Variants in HTT observed in about 807,000 individuals in gnomAD.
The protein encoded by HTT is huntington disease protein.
HTT carries 104 observed loss-of-function variants against 362.3 expected under a neutral mutation model. The ratio of observed to expected loss-of-function variants is 0.29; its 90% CI spans 0.24 to 0.34. The LOEUF is 0.34. Among genes scored for constraint, HTT ranks in the 10% least tolerant of loss-of-function variants. HTT has a pLI of 1.00. For synonymous variants in HTT, 1,577 were observed against 1,548.7 expected, an observed-to-expected ratio of 1.02 and a Z score of -0.43; for missense variants, 3,301 against 3,928.6, an observed-to-expected ratio of 0.84 and a Z score of 4.27.
At chr4:3,209,056 C>G in intron 46 of HTT, 145 bp downstream of exon 46, 1 of 877,716 alleles carries the variant, frequency 1.1e-6, no homozygotes, top group South Asian at 1.8e-5. Flanking sequence ...TGGTTAGAGA[C>G]GTGGGGGGCC....
intron 1 of HTT, among the ~76,000 whole-genome samples, chr4:3,079,259 TTTTTTTTG>T (rs1324892956): frequency 6.6e-6 from 1 of 150,536 alleles, no homozygotes; most frequent in Non-Finnish European, 1.5e-5. Flanking sequence ...TTTTTTTTTT[TTTTTTTTG>T]GGGTTGGGGG....
rs537316756 is a variant in HTT, at chr4:3,191,498, A to G, written c.5368+2405A>G. ...GAGCTTTCATTTTTGAAATCAATGT[A>G]TGACTGAAACACTGAAGACTTACTG... On this transcript the variant is annotated intron_variant, in intron 40 of 66. Coordinates refer to ENST00000355072, the MANE Select transcript of HTT (RefSeq NM_001388492.1). 1.4e-4 allele frequency among the ~76,000 whole-genome samples: 22 copies of G among 152,262 alleles called. No individual in the cohort carries two copies. The East Asian group carries it at 2.7e-3, about 19-fold the overall frequency.
chr4:3,136,908 C>T (rs574517633), intron 21 of HTT, among the ~76,000 whole-genome samples: 2 of 151,278 alleles, frequency 1.3e-5, no homozygotes, highest in African/African-American at 2.4e-5. Context: ...TTACCAGGCC[C>T]GGCTTTGAAT....
chr4:3,154,473 A>T, intron 27 of HTT, 54 bp downstream of exon 27: 1 of 1,586,916 alleles, frequency 6.3e-7, no homozygotes, highest in South Asian at 1.2e-5. Context: ...TGTCATGTAG[A>T]AACATAGGAT....
At chr4:3,147,594 C>G (rs537570388) in intron 25 of HTT, among the ~76,000 whole-genome samples, 1 of 152,166 alleles carries the variant, frequency 6.6e-6, no homozygotes, top group East Asian at 1.9e-4. Context: ...GATCATTCAT[C>G]CAACTTGAAC....
Position 3,199,776 on chromosome 4 carries a change from A to G in HTT, c.5413A>G (p.Ser1805Gly). 1 of 1,614,224 alleles carries G rather than the reference A, an allele frequency of 6.2e-7. No homozygotes were observed. Among genetic ancestry groups the G allele is most frequent in the Non-Finnish European group, 8.5e-7 (1 of 1,180,042 alleles). ...ITAAATRLFR[S>G]DGCGGSFYTL... ...AGCAGCTGCCACTAGGCTGTTCCGC[A>G]GTGATGGCTGTGGCGGCAGTTTCTA... The change falls in exon 41 of 67, where the codon AGT becomes GGT. Residue 1805 changes from serine to glycine, a missense_variant. Physicochemically the swap from Ser to Gly is moderately conservative, Grantham distance 56. This residue lies in a region of HTT where 2,316 missense variants were observed against 2,658.5 expected (regional missense o/e 0.87). Transcript: ENST00000355072.
At chr4:3,225,492 T>C (rs1720869170) in intron 56 of HTT, among the ~76,000 whole-genome samples, 169 bp from the exon 57 acceptor site, 1 of 152,112 alleles carries the variant, frequency 6.6e-6, no homozygotes, top group Admixed American at 6.5e-5. Flanking sequence ...AAGTGACAAA[T>C]CCCCAAGACC....
intron 27 of HTT, among the ~76,000 whole-genome samples, chr4:3,155,728 CAAAAAAA>C (rs774283812): frequency 2.0e-5 from 1 of 49,648 alleles, no homozygotes; most frequent in African/African-American, 7.1e-5. Flanking sequence ...AAAAATACCA[CAAAAAAA>C]AAAAAAAAAA....
chr4:3,124,582 A>C (rs1715437072), intron 10 of HTT, among the ~76,000 whole-genome samples: 2 of 152,114 alleles, frequency 1.3e-5, no homozygotes, highest in Admixed American at 1.3e-4. Context: ...GGCTCTGTGG[A>C]ACATATTTGC....
chr4:3,075,978 G>A (rs1712527199), intron 1 of HTT, among the ~76,000 whole-genome samples: 1 of 152,102 alleles, frequency 6.6e-6, no homozygotes, highest in Non-Finnish European at 1.5e-5. Flanking sequence ...GTTGCTGATG[G>A]GGAGGTTAAT....
At chr4:3,125,383 T>C (rs1052577491) in intron 10 of HTT, among the ~76,000 whole-genome samples, 166 bp from the exon 11 acceptor site, 1 of 152,230 alleles carries the variant, frequency 6.6e-6, no homozygotes, top group Non-Finnish European at 1.5e-5. Context: ...ATCTCTACAT[T>C]CTTTGTGTTT....
intron 29 of HTT, among the ~76,000 whole-genome samples, chr4:3,161,870 G>A (rs756292472): frequency 6.6e-6 from 1 of 152,112 alleles, no homozygotes; most frequent in Non-Finnish European, 1.5e-5. Flanking sequence ...CATTCTGTAG[G>A]TTGCCTGTTC....
chr4:3,210,208 C>T (rs537558006), intron 47 of HTT, among the ~76,000 whole-genome samples: 4 of 152,142 alleles, frequency 2.6e-5, no homozygotes, highest in Admixed American at 6.5e-5. Context: ...TTAGAATCCA[C>T]GGAGGTGTTG....
intron 24 of HTT, among the ~76,000 whole-genome samples, chr4:3,145,999 T>G (rs1408028121): frequency 6.6e-6 from 1 of 152,184 alleles, no homozygotes; most frequent in Admixed American, 6.5e-5. Context: ...AAGTTAAAAA[T>G]CCGTTCAAGT....
At chr4:3,077,145 T>C (rs891161495) in intron 1 of HTT, among the ~76,000 whole-genome samples, 1 of 152,126 alleles carries the variant, frequency 6.6e-6, no homozygotes, top group Non-Finnish European at 1.5e-5. Context: ...GCCACTGCAC[T>C]CCAGCCTGGG....
rs1200003865 is a variant in HTT at position 3,229,888 on chromosome 4, T to G, written c.8111T>G (p.Leu2704Arg). Residue 2704 changes from leucine to arginine, a missense_variant and splice_region_variant, in exon 60 of 67, where the codon CTT (leucine) becomes CGT (arginine). Physicochemically the swap from Leu to Arg is moderately radical, Grantham distance 102. This residue lies in a region of HTT where 753 missense variants were observed against 1,021.3 expected (regional missense o/e 0.74). Transcript: ENST00000355072. ...AILISEVVRS[L>R]LVVSDLFTER... Reference sequence around the variant, plus strand: ...CCTCCTGGTTTTCCACATCTCCAGCTTCTAGTGGTCTCAGACTTGTTCACC... The same window carrying G: ...CCTCCTGGTTTTCCACATCTCCAGCGTCTAGTGGTCTCAGACTTGTTCACC... The G allele has an allele frequency of 4.3e-6, 7 of 1,614,114 alleles. No homozygotes were observed. Among genetic ancestry groups the G allele is most frequent in the Non-Finnish European group, 5.9e-6 (7 of 1,179,944 alleles).
At position 3,099,310 on chromosome 4, in the gene HTT, T is replaced by A; in HGVS notation, c.384T>A (p.Ala128=). 1 of 1,614,112 alleles carries A rather than the reference T, an allele frequency of 6.2e-7. No individual in the cohort carries two copies. Among genetic ancestry groups the A allele is most frequent in the Non-Finnish European group, 8.5e-7 (1 of 1,179,936 alleles). Residue 128 remains alanine (A), a synonymous_variant, in exon 3 of 67, where the codon GCT becomes GCA. Coordinates refer to ENST00000355072, the MANE Select transcript of HTT (RefSeq NM_001388492.1). ...AATTTCAGAAACTTCTGGGCATCGC[T>A]ATGGAACTTTTTCTGCTGTGCAGTG... The part of the protein sequence containing the change: ...SPEFQKLLGI[A]MELFLLCSDD...
intron 59 of HTT, 123 bp downstream of exon 59, chr4:3,229,132 A>AAC (rs962297927): frequency 1.6e-5 from 15 of 929,822 alleles, no homozygotes; most frequent in Non-Finnish European, 2.3e-5. Context: ...TCATGCATGC[A>AAC]ACACACACAC....
At chr4:3,181,261 A>G (rs1001894390) in intron 36 of HTT, among the ~76,000 whole-genome samples, 3 of 152,208 alleles carry the variant, frequency 2.0e-5, no homozygotes, top group African/African-American at 7.2e-5. Context: ...CGTTCAAGAT[A>G]GTGAGGCCCT....
Sources: gnomAD v4.1 joint callset for allele counts (sites outside exome capture counted in the v4.1 genomes callset) on GRCh38, gnomAD v4.1.1 for gene constraint, gnomAD v4.1.1 regional missense constraint, MANE v1.5 for transcripts, NCBI Gene and HGNC (gene_info 2026-07-23, HGNC 2026-07-21) for gene names.